The following ZNF10 variants were observed in gnomAD, a reference collection of about 807,000 sequenced individuals.
ZNF10 encodes the protein zinc finger protein 10.
A neutral mutation model predicts 12.2 loss-of-function variants in ZNF10; 8 were observed. That is an observed-to-expected ratio of 0.66 (90% CI 0.39 to 1.18). The LOEUF is 1.18. Among genes scored for constraint, ZNF10 ranks in the 50% most tolerant of loss-of-function variants. ZNF10 has a pLI of 0.01. For synonymous variants in ZNF10, 229 were observed against 228.2 expected (o/e 1.00, Z -0.03); for missense variants, 603 against 678.9 (o/e 0.89, Z 1.24).
intron 1 of ZNF10, among the ~76,000 whole-genome samples, chr12:133,134,184 G>T (rs1448343146): frequency 3.3e-5 from 5 of 151,282 alleles, no homozygotes; most frequent in Non-Finnish European, 7.4e-5. Context: ...GTGGTGGTGG[G>T]CGCCTGTAAT....
chr12:133,145,926 A>T (rs1255870991), intron 2 of ZNF10, among the ~76,000 whole-genome samples: 1 of 152,136 alleles, frequency 6.6e-6, no homozygotes, highest in South Asian at 2.1e-4. Flanking sequence ...TGCACCTTTC[A>T]GTGGTGTCCC....
At position 133,155,991 on chromosome 12, in the gene ZNF10, C is replaced by T. The variant is rs752749689; in HGVS notation, c.745C>T (p.His249Tyr). ...CCCTGATAATGACAACTCTCTTACT[C>T]ATGGTTCATCTCTTGGTATATCAAA... ...KCPDNDNSLT[H>Y]GSSLGISKGI... Residue 249 changes from histidine (H) to tyrosine (Y), a missense_variant, in exon 5 of 5, where the codon CAT becomes TAT. By Grantham distance (83) the His-to-Tyr change is moderately conservative. Around this residue, in one of 3 missense-constraint regions of ZNF10, gnomAD observed 393 missense variants for 399.7 expected, o/e 0.98. Transcript: ENST00000248211. The T allele has an allele frequency of 6.2e-7, 1 of 1,613,870 alleles. No homozygotes were observed. Among genetic ancestry groups the T allele is most frequent in the African/African-American group, 1.3e-5 (1 of 74,938 alleles).
At chr12:133,135,914 C>T (rs1194905772) in intron 1 of ZNF10, among the ~76,000 whole-genome samples, 1 of 152,246 alleles carries the variant, frequency 6.6e-6, no homozygotes, top group East Asian at 1.9e-4. Context: ...GACATACTCT[C>T]CGTAACCTCA....
chr12:133,150,570 T>A (rs899577840), intron 2 of ZNF10, among the ~76,000 whole-genome samples: 3 of 148,508 alleles, frequency 2.0e-5, no homozygotes, highest in African/African-American at 7.4e-5. Context: ...ACTCTTCTGT[T>A]TTTTTTTTTT....
chr12:133,142,506 A>G (rs1955951758), intron 1 of ZNF10, among the ~76,000 whole-genome samples: 1 of 152,152 alleles, frequency 6.6e-6, no homozygotes, highest in African/African-American at 2.4e-5. Context: ...CTACAACTCA[A>G]CAATACACAC....
chr12:133,137,024 T>C, intron 1 of ZNF10, among the ~76,000 whole-genome samples: 1 of 152,182 alleles, frequency 6.6e-6, no homozygotes, highest in Non-Finnish European at 1.5e-5. Flanking sequence ...TACGTAACCC[T>C]TCTGATATTG....
At chr12:133,154,119 C>G (rs10870586) in intron 4 of ZNF10, among the ~76,000 whole-genome samples, 79,278 of 148,562 alleles carry the variant, frequency 0.53, 21,572 homozygotes, top group Non-Finnish European at 0.6. Flanking sequence ...TTTTTGTCGG[C>G]GGGGGGGATA....
At chr12:133,132,360 C>T (rs1457745247) in intron 1 of ZNF10, among the ~76,000 whole-genome samples, 1 of 150,204 alleles carries the variant, frequency 6.7e-6, no homozygotes, top group Non-Finnish European at 1.5e-5. Flanking sequence ...ACCTCTGCCT[C>T]CTGGGTTCAA....
intron 1 of ZNF10, chr12:133,143,905 C>T (rs1336312875): frequency 6.6e-6 from 1 of 152,304 alleles, no homozygotes. Flanking sequence ...GAATTCAGTT[C>T]CTTGTGGCTG....
chr12:133,152,757 A>G (rs983559470), intron 4 of ZNF10, among the ~76,000 whole-genome samples: 2 of 152,104 alleles, frequency 1.3e-5, no homozygotes, highest in African/African-American at 4.8e-5. Flanking sequence ...ATTTATTTAT[A>G]GGCATTTCCC....
At chr12:133,140,585 G>C (rs1380984549) in intron 1 of ZNF10, among the ~76,000 whole-genome samples, 1 of 151,878 alleles carries the variant, frequency 6.6e-6, no homozygotes, top group African/African-American at 2.4e-5. Flanking sequence ...TATTTTGTCT[G>C]TTTTGTTGTT....
At chr12:133,131,470 ATACTGT>A (rs1000047427) in intron 1 of ZNF10, among the ~76,000 whole-genome samples, 13 of 152,128 alleles carry the variant, frequency 8.5e-5, no homozygotes, top group African/African-American at 3.1e-4. Context: ...TTGCAGAAAG[ATACTGT>A]TAATTAAAAA....
intron 1 of ZNF10, chr12:133,139,254 T>C (rs768680272): frequency 6.6e-6 from 1 of 152,194 alleles, no homozygotes; most frequent in Non-Finnish European, 1.5e-5. Context: ...AATTAGGTAA[T>C]GACATAAGAA....
chr12:133,133,152 C>T (rs1955890372), intron 1 of ZNF10, among the ~76,000 whole-genome samples: 1 of 152,048 alleles, frequency 6.6e-6, no homozygotes, highest in Admixed American at 6.6e-5. Flanking sequence ...AGGATCTTTG[C>T]CTTTTGTATC....
At position 133,151,056 on chromosome 12, in the gene ZNF10, T is replaced by G; in HGVS notation, c.62T>G (p.Val21Gly). 1 of 1,613,170 alleles carries G rather than the reference T, an allele frequency of 6.2e-7. No individual in the cohort carries two copies. Among genetic ancestry groups the G allele is most frequent in the Non-Finnish European group, 8.5e-7 (1 of 1,179,298 alleles). Residue 21 changes from valine to glycine, a missense_variant, in exon 3 of 5, where the codon GTG becomes GGG. Around this residue, in one of 3 missense-constraint regions of ZNF10, gnomAD observed 393 missense variants for 399.7 expected, o/e 0.98. Coordinates refer to ENST00000248211, the MANE Select transcript of ZNF10 (RefSeq NM_015394.5). ...CTGGTGACCTTCAAGGATGTATTTG[T>G]GGACTTCACCAGGGAGGAGTGGAAG... ...RTLVTFKDVF[V>G]DFTREEWKLL...
chr12:133,143,209 G>A (rs1426856686), intron 1 of ZNF10, among the ~76,000 whole-genome samples: 1 of 152,146 alleles, frequency 6.6e-6, no homozygotes, highest in East Asian at 1.9e-4. Flanking sequence ...TTACCACTGA[G>A]TGGGTACCAG....
chr12:133,147,631 G>C (rs79051168), intron 2 of ZNF10, among the ~76,000 whole-genome samples: 2 of 127,758 alleles, frequency 1.6e-5, no homozygotes, highest in East Asian at 4.2e-4. Flanking sequence ...TTTTTTTTGG[G>C]AGACGGAGTC....
At chr12:133,139,467 A>T (rs1018452687) in intron 1 of ZNF10, among the ~76,000 whole-genome samples, 2 of 152,164 alleles carry the variant, frequency 1.3e-5, no homozygotes, top group African/African-American at 4.8e-5. Context: ...GAGGATCCTA[A>T]ATCTATGCCA....
chr12:133,152,072 A>T (rs1311284743), intron 4 of ZNF10, among the ~76,000 whole-genome samples, 168 bp downstream of exon 4: 2 of 152,166 alleles, frequency 1.3e-5, no homozygotes, highest in East Asian at 3.8e-4. Context: ...TTCCATTTGC[A>T]TTCAGAGGCA....
Sources: allele counts gnomAD v4.1 joint callset (sites outside exome capture counted in the v4.1 genomes callset), GRCh38; gene constraint gnomAD v4.1.1; regional missense constraint gnomAD v4.1.1; transcripts MANE v1.5; gene names NCBI Gene and HGNC (gene_info 2026-07-23, HGNC 2026-07-21).